PGCKA1: variants seen among roughly 807,000 people sequenced by gnomAD.
PGCKA1 encodes PDCD10 and GCKIII kinases-associated protein 1.
the PGCKA1 span, among the ~76,000 whole-genome samples, chr4:37,592,257 C>T: frequency 5.6e-5 from 8 of 143,946 alleles, no homozygotes; most frequent in South Asian, 1.8e-3. Flanking sequence ...TGGCTCATGT[C>T]TGTAATCTGA....
chr4:37,575,625 G>T, the PGCKA1 span, among the ~76,000 whole-genome samples: 1 of 151,942 alleles, frequency 6.6e-6, no homozygotes, highest in Non-Finnish European at 1.5e-5. Context: ...GTTGTCCATT[G>T]TTGCTTTGGG....
chr4:37,545,659 T>A, the PGCKA1 span, among the ~76,000 whole-genome samples: 1 of 152,200 alleles, frequency 6.6e-6, no homozygotes, highest in Non-Finnish European at 1.5e-5. Context: ...TTTGTTTCAA[T>A]GGGAGGTAGT....
chr4:37,455,903 A>G, the PGCKA1 span, among the ~76,000 whole-genome samples: 2 of 152,138 alleles, frequency 1.3e-5, no homozygotes, highest in South Asian at 2.1e-4. Flanking sequence ...CAAATAATTG[A>G]ATACCAGCCT....
At chr4:37,558,617 T>C in the PGCKA1 span, among the ~76,000 whole-genome samples, 2 of 151,152 alleles carry the variant, frequency 1.3e-5, no homozygotes, top group Non-Finnish European at 2.9e-5. Flanking sequence ...ACTAAAGAGC[T>C]TCTGCACAGC....
chr4:37,488,610 C>T, the PGCKA1 span, among the ~76,000 whole-genome samples: 3 of 152,276 alleles, frequency 2.0e-5, no homozygotes, highest in South Asian at 6.2e-4. Context: ...GAATCTAAGT[C>T]AGTGTGGGAA....
At chr4:37,468,695 T>A in the PGCKA1 span, among the ~76,000 whole-genome samples, 1 of 152,178 alleles carries the variant, frequency 6.6e-6, no homozygotes, top group Non-Finnish European at 1.5e-5. Flanking sequence ...ATCCTAAACA[T>A]TGACATTATT....
chr4:37,497,797 T>C, the PGCKA1 span, among the ~76,000 whole-genome samples: 1 of 152,208 alleles, frequency 6.6e-6, no homozygotes, highest in Non-Finnish European at 1.5e-5. Flanking sequence ...TTCAGATATA[T>C]AGATTGTGAA....
the PGCKA1 span, among the ~76,000 whole-genome samples, chr4:37,558,257 G>A: frequency 6.6e-6 from 1 of 152,284 alleles, no homozygotes; most frequent in African/African-American, 2.4e-5. Context: ...TAGAATTGCT[G>A]TTTCCTTTTT....
chr4:37,546,850 A>T, the PGCKA1 span, among the ~76,000 whole-genome samples: 122 of 152,374 alleles, frequency 8.0e-4, no homozygotes, highest in East Asian at 0.022. Flanking sequence ...CCACAGCAGC[A>T]CGTAGCAGGC....
the PGCKA1 span, among the ~76,000 whole-genome samples, chr4:37,583,987 T>C: frequency 6.6e-5 from 10 of 152,282 alleles, 1 homozygote; most frequent in African/African-American, 2.4e-4. Context: ...GAACCCAATC[T>C]TACGTCAAAA....
chr4:37,467,384 C>T, the PGCKA1 span, among the ~76,000 whole-genome samples: 14 of 152,152 alleles, frequency 9.2e-5, no homozygotes, highest in Admixed American at 9.2e-4. Context: ...TTTTGCAACT[C>T]TCATGTTTAC....
chr4:37,558,367 G>A, the PGCKA1 span, among the ~76,000 whole-genome samples: 48,836 of 151,722 alleles, frequency 0.32, 8,343 homozygotes, highest in East Asian at 0.51. Flanking sequence ...CTATCCCCCC[G>A]TCCCCAGGCA....
At chr4:37,502,961 G>A in the PGCKA1 span, among the ~76,000 whole-genome samples, 1 of 152,156 alleles carries the variant, frequency 6.6e-6, no homozygotes, top group East Asian at 1.9e-4. Flanking sequence ...ACCCTAAAGA[G>A]TTCAGGTCCA....
the PGCKA1 span, among the ~76,000 whole-genome samples, chr4:37,582,336 C>T: frequency 0.19 from 28,726 of 152,180 alleles, 3,443 homozygotes; most frequent in Non-Finnish European, 0.25. Flanking sequence ...AGGCTTCTAT[C>T]TGGCCATCTT....
the PGCKA1 span, among the ~76,000 whole-genome samples, chr4:37,561,565 G>C: frequency 1.3e-5 from 2 of 152,100 alleles, no homozygotes; most frequent in Non-Finnish European, 2.9e-5. Context: ...GGAAAGAAAG[G>C]GGGGACAATA....
chr4:37,477,491 C>T, the PGCKA1 span, among the ~76,000 whole-genome samples: 26 of 152,068 alleles, frequency 1.7e-4, no homozygotes, highest in Non-Finnish European at 4.4e-5. Flanking sequence ...GGTGGCACAA[C>T]TCTGAATATG....
the PGCKA1 span, among the ~76,000 whole-genome samples, chr4:37,455,257 A>T: frequency 6.6e-6 from 1 of 152,218 alleles, no homozygotes; most frequent in Non-Finnish European, 1.5e-5. Flanking sequence ...CAGATGTTAA[A>T]GATCATAGAC....
At chr4:37,586,312 T>C in the PGCKA1 span, among the ~76,000 whole-genome samples, 1 of 152,190 alleles carries the variant, frequency 6.6e-6, no homozygotes, top group Non-Finnish European at 1.5e-5. Flanking sequence ...GGTTCACTGA[T>C]AGTGCTCTCG....
chr4:37,564,225 G>A, the PGCKA1 span, among the ~76,000 whole-genome samples: 1 of 143,490 alleles, frequency 7.0e-6, no homozygotes, highest in Non-Finnish European at 1.5e-5. Context: ...AGTGAGCCAA[G>A]ATGGCACCAC....
Sources: allele counts gnomAD v4.1 joint callset (sites outside exome capture counted in the v4.1 genomes callset), GRCh38; gene constraint gnomAD v4.1.1; transcripts MANE v1.5; gene names NCBI Gene and HGNC (gene_info 2026-07-23, HGNC 2026-07-21).